Variants in YBEY observed in about 807,000 individuals in gnomAD.
YBEY encodes ybeY metalloendoribonuclease, also known as endoribonuclease YbeY.
In YBEY, 15 loss-of-function variants were observed where a neutral mutation model predicts 13.5. The observed-to-expected ratio is 1.11, with a 90% CI of 0.75 to 1.72. The LOEUF (loss-of-function observed/expected upper bound fraction) is 1.72, where lower values mean the gene tolerates loss of function less well. Ranked by LOEUF, YBEY falls within the 40% of genes most tolerant of loss-of-function variation. The pLI is 0.00. For synonymous variants in YBEY, 101 were observed against 83.1 expected (o/e 1.21, Z -1.17); for missense variants, 244 against 208.4 (o/e 1.17, Z -1.05).
downstream of YBEY, among the ~76,000 whole-genome samples, chr21:46,298,132 C>G (rs1234616267): frequency 6.6e-6 from 1 of 152,240 alleles, no homozygotes; most frequent in East Asian, 1.9e-4. Context: ...GCCAGGGCCA[C>G]GGCGAGGCCG....
downstream of YBEY, chr21:46,301,323 T>G: frequency 3.0e-6 from 1 of 333,002 alleles, no homozygotes; most frequent in Non-Finnish European, 4.3e-6. Flanking sequence ...TTAAATTTAT[T>G]TTTTGTAGAG....
downstream of YBEY, chr21:46,302,057 G>A (rs985859444): frequency 1.0e-5 from 16 of 1,536,002 alleles, no homozygotes; most frequent in African/African-American, 1.2e-4. Flanking sequence ...GGCAGCCCCA[G>A]GTGGCCACAC....
At position 46,297,618 on chromosome 21, in the gene YBEY, T is replaced by C. The variant is rs2081997303; in HGVS notation, c.488T>C (p.Leu163Pro). 6 of 1,351,076 alleles carry C rather than the reference T, an allele frequency of 4.4e-6. No individual in the cohort carries two copies. The highest frequency in any genetic ancestry group is 5.8e-6 in the Non-Finnish European group (6 of 1,037,426). 83.7% of individuals were successfully genotyped at this position (1,351,076 alleles called of 1,614,324 possible). A position where few individuals can be genotyped will look rare whatever the true frequency, so the allele number is the denominator to read the frequency against. The change falls in exon 5 of 5, where the codon CTC becomes CCC. Residue 163 changes from leucine (L) to proline (P), a missense_variant. Transcript: ENST00000397701. Reference sequence around the variant, plus strand: ...CGGCTGCAGCCCCTGACCCGGGGCCTCTTCGGAGGGAGCTGAGGGCCGCGT... The same window carrying C: ...CGGCTGCAGCCCCTGACCCGGGGCCCCTTCGGAGGGAGCTGAGGGCCGCGT... ...GTRLQPLTRG[L>P]FGGS
the YBEY span, among the ~76,000 whole-genome samples, chr21:46,303,740 TA>T: frequency 4.8e-5 from 1 of 20,694 alleles, no homozygotes; most frequent in African/African-American, 2.0e-4. Flanking sequence ...TATATATATA[TA>T]TATATTTTTT....
downstream of YBEY, chr21:46,300,767 C>A (rs921633433): frequency 1.6e-5 from 20 of 1,289,036 alleles, no homozygotes; most frequent in East Asian, 1.1e-3. Flanking sequence ...CCTCCTTGTG[C>A]GGAACTTCAG....
downstream of YBEY, chr21:46,302,061 G>A (rs1355781565): frequency 4.6e-6 from 7 of 1,527,992 alleles, no homozygotes; most frequent in Non-Finnish European, 6.2e-6. Flanking sequence ...GCCCCAGGTG[G>A]CCACACAGCA....
chr21:46,297,855 A>G (rs1250861195), downstream of YBEY: 2 of 1,066,960 alleles, frequency 1.9e-6, no homozygotes, highest in African/African-American at 3.3e-5. Context: ...GCCCGGGAGC[A>G]CCGCGCAGCG....
At chr21:46,295,204 A>G (rs1262936155) in intron 3 of YBEY, among the ~76,000 whole-genome samples, 2 of 151,804 alleles carry the variant, frequency 1.3e-5, no homozygotes, top group Non-Finnish European at 2.9e-5. Context: ...GGGGCTCCCT[A>G]TTACCCTGAG....
chr21:46,294,288 G>A lies in YBEY; in HGVS notation c.340-1874G>A, dbSNP rs1229818062. Among the ~76,000 whole-genome samples the A allele has an allele frequency of 1.7e-4, 13 of 76,946 alleles. 1 individual carries two copies. The highest frequency in any genetic ancestry group is 3.1e-4 in the Non-Finnish European group (11 of 35,618). The allele number at this position is 76,946 out of a possible 152,430, so 50.5% of individuals were successfully genotyped here. A position where few individuals can be genotyped will look rare whatever the true frequency, so the allele number is the denominator to read the frequency against. ...TTAGACTCTAGATTAAATTCCTCCC[G>A]CGGTTAGCCTGACCCGTGCCCGGGA... On this transcript the variant is annotated intron_variant, in intron 3 of 4. Transcript: ENST00000397701.
the YBEY span, among the ~76,000 whole-genome samples, chr21:46,310,437 C>G: frequency 6.6e-6 from 1 of 151,314 alleles, no homozygotes; most frequent in African/African-American, 2.4e-5. Context: ...CAAGATGGCG[C>G]CATTGCACTC....
downstream of YBEY, chr21:46,301,835 C>A: frequency 7.9e-7 from 1 of 1,266,348 alleles, no homozygotes; most frequent in East Asian, 3.1e-5. Flanking sequence ...AGAAAGCGAG[C>A]CTGCCCAGCT....
the YBEY span, among the ~76,000 whole-genome samples, chr21:46,305,239 G>C: frequency 2.0e-5 from 3 of 151,372 alleles, no homozygotes; most frequent in African/African-American, 7.3e-5. Flanking sequence ...GCACAGCAGT[G>C]ACTACAGTTA....
At chr21:46,304,478 CCTGT>C in the YBEY span, among the ~76,000 whole-genome samples, 1 of 151,058 alleles carries the variant, frequency 6.6e-6, no homozygotes, top group South Asian at 2.1e-4. Context: ...GGAGTGAGAC[CCTGT>C]CTCTTAGAAA....
rs1386075890 is a variant in YBEY at position 46,296,232 on chromosome 21, T to C, written c.408+2T>C. ...GGCACGGAGGCAGAGTGGCAGCAGG[T>C]AAGGAGCCCATCCATCCCACTACCG... On this transcript the variant is annotated splice_donor_variant, in intron 4 of 4. Coordinates refer to ENST00000397701, the MANE Select transcript of YBEY (RefSeq NM_001314025.2). LOFTEE classifies it high-confidence loss of function. 1.9e-6 allele frequency: 3 copies of C among 1,613,356 alleles called. No individual in the cohort carries two copies. The highest frequency in any genetic ancestry group is 1.7e-6 in the Non-Finnish European group (2 of 1,179,982).
At chr21:46,305,826 C>T in the YBEY span, among the ~76,000 whole-genome samples, 1 of 152,048 alleles carries the variant, frequency 6.6e-6, no homozygotes, top group East Asian at 1.9e-4. Flanking sequence ...CATGTAGACC[C>T]AGCTACTCGG....
Position 46,289,514 on chromosome 21 carries a change from C to T in YBEY, c.211-1820C>T, listed in dbSNP as rs1438288645. ...AGGCTGGAGTGCAATGGCACAATCT[C>T]GGCTCACTGCAACCTCCACCTCTCA... On this transcript the variant is annotated intron_variant, in intron 2 of 4. Coordinates refer to ENST00000397701, the MANE Select transcript of YBEY (RefSeq NM_001314025.2). Among the ~76,000 whole-genome samples the T allele has an allele frequency of 4.2e-5, 6 of 141,332 alleles. No homozygotes were observed. The South Asian group carries it at 1.1e-3, about 26-fold the overall frequency. 92.7% of individuals were successfully genotyped at this position (141,332 alleles called of 152,430 possible).
At chr21:46,307,318 A>G in the YBEY span, among the ~76,000 whole-genome samples, 94 of 152,234 alleles carry the variant, frequency 6.2e-4, no homozygotes, top group African/African-American at 2.2e-3. Flanking sequence ...GCCGTTAACC[A>G]CTGATTTTAA....
rs1442402604 is a variant in YBEY, at chr21:46,297,523, G to T, written c.409-16G>T. Reference sequence around the variant, plus strand: ...CACCTTCCCTGGGGAGGGCCAGCGCGCTTCCTTCCTTCCAGATGTTCCAGA... The same window carrying T: ...CACCTTCCCTGGGGAGGGCCAGCGCTCTTCCTTCCTTCCAGATGTTCCAGA... On this transcript the variant is annotated splice_polypyrimidine_tract_variant and intron_variant, in intron 4 of 4. Coordinates refer to ENST00000397701, the MANE Select transcript of YBEY (RefSeq NM_001314025.2). 5 of 1,365,508 alleles carry T rather than the reference G, an allele frequency of 3.7e-6. No individual in the cohort carries two copies. In the South Asian group the frequency reaches 8.7e-5, roughly 24 times the overall value. 84.6% of individuals were successfully genotyped at this position (1,365,508 alleles called of 1,614,324 possible). A position where few individuals can be genotyped will look rare whatever the true frequency, so the allele number is the denominator to read the frequency against.
At chr21:46,309,063 A>G in the YBEY span, among the ~76,000 whole-genome samples, 1 of 152,194 alleles carries the variant, frequency 6.6e-6, no homozygotes, top group African/African-American at 2.4e-5. Context: ...TCACGCCTGT[A>G]ATCCTAGTAC....
Sources: gnomAD v4.1 joint callset for allele counts (sites outside exome capture counted in the v4.1 genomes callset) on GRCh38, gnomAD v4.1.1 for gene constraint, MANE v1.5 for transcripts, NCBI Gene and HGNC (gene_info 2026-07-23, HGNC 2026-07-21) for gene names.